Variants in TNPO1 observed in about 807,000 individuals in gnomAD.
TNPO1 encodes transportin-1.
TNPO1 carries 8 observed loss-of-function variants against 119.5 expected under a neutral mutation model. The ratio of observed to expected loss-of-function variants is 0.07; its 90% CI spans 0.04 to 0.12. The LOEUF is 0.12. TNPO1 is among the 10% of genes least tolerant of loss of function. TNPO1 has a pLI of 1.00. For missense variants in TNPO1, 576 were observed against 1,089.8 expected, an observed-to-expected ratio of 0.53 and a Z score of 6.64; for synonymous variants, 362 against 363.0, an observed-to-expected ratio of 1.00 and a Z score of 0.03.
intron 24 of TNPO1, 142 bp downstream of exon 24, chr5:72,905,587 G>T: frequency 2.3e-6 from 1 of 431,030 alleles, no homozygotes; most frequent in Non-Finnish European, 4.1e-6. Context: ...TCTATCTTGG[G>T]CTTTAAATTT....
intron 1 of TNPO1, among the ~76,000 whole-genome samples, chr5:72,837,037 C>T (rs2112206523): frequency 6.6e-6 from 1 of 152,336 alleles, no homozygotes; most frequent in East Asian, 1.9e-4. Context: ...CTCTCCTCTT[C>T]TGAGCCCTTA....
At chr5:72,906,568 G>A (rs1232474501) in intron 24 of TNPO1, among the ~76,000 whole-genome samples, 1 of 152,074 alleles carries the variant, frequency 6.6e-6, no homozygotes, top group Non-Finnish European at 1.5e-5. Context: ...GGGATTTACA[G>A]GCGTAAGCCA....
At chr5:72,838,638 C>T (rs1171475299) in intron 1 of TNPO1, among the ~76,000 whole-genome samples, 1 of 152,150 alleles carries the variant, frequency 6.6e-6, no homozygotes, top group South Asian at 2.1e-4. Context: ...AGTACTACAG[C>T]TTGTCTCCAT....
intron 6 of TNPO1, 55 bp downstream of exon 6, chr5:72,865,784 C>T: frequency 1.1e-5 from 17 of 1,526,000 alleles, no homozygotes; most frequent in Non-Finnish European, 1.5e-5. Flanking sequence ...TGACCATTAT[C>T]TTAGTTTTCA....
intron 20 of TNPO1, among the ~76,000 whole-genome samples, chr5:72,899,333 C>T (rs1188900363): frequency 6.6e-6 from 1 of 152,118 alleles, no homozygotes; most frequent in African/African-American, 2.4e-5. Flanking sequence ...TGAGATTTGA[C>T]ATTGTAGCAT....
At position 72,911,280 on chromosome 5, in the gene TNPO1, AAC is replaced by A. The variant is rs946043559; in HGVS notation, c.*2610_*2611del. On this transcript the variant is annotated 3_prime_UTR_variant, in exon 25 of 25. Transcript: ENST00000337273. ...TTAGTTTCCAGTTAGGCAGATGAAT[AAC>A]ACTATTAAAAATGCACCCAGTTTTG... The A allele has an allele frequency of 4.6e-5, 7 of 152,112 alleles. No homozygotes were observed. Among genetic ancestry groups the A allele is most frequent in the East Asian group, 1.9e-4 (1 of 5,206 alleles). The allele number at this position is 152,112 out of a possible 1,614,324, so 9.4% of individuals were successfully genotyped here. A position where few individuals can be genotyped will look rare whatever the true frequency, so the allele number is the denominator to read the frequency against.
At chr5:72,886,244 C>A (rs762728868) in intron 11 of TNPO1, among the ~76,000 whole-genome samples, 1 of 152,070 alleles carries the variant, frequency 6.6e-6, no homozygotes, top group African/African-American at 2.4e-5. Flanking sequence ...ATAGTTAATT[C>A]TTTGTAAAGA....
chr5:72,863,051 T>G (rs957110573), intron 5 of TNPO1, among the ~76,000 whole-genome samples: 12 of 151,002 alleles, frequency 7.9e-5, no homozygotes, highest in Admixed American at 4.0e-4. Context: ...TTTTTTGGGG[T>G]TTTTTTGCCA....
intron 11 of TNPO1, among the ~76,000 whole-genome samples, chr5:72,885,579 A>G (rs1228841188): frequency 6.6e-6 from 1 of 152,168 alleles, no homozygotes; most frequent in East Asian, 1.9e-4. Context: ...TGTGTATCGT[A>G]TGCCTCATTC....
At chr5:72,895,846 A>G (rs1187876433) in intron 18 of TNPO1, among the ~76,000 whole-genome samples, 1 of 151,970 alleles carries the variant, frequency 6.6e-6, no homozygotes, top group African/African-American at 2.4e-5. Context: ...GATGTTTCAG[A>G]GTTTTGTTTT....
chr5:72,871,063 G>A (rs1265501276), intron 6 of TNPO1, among the ~76,000 whole-genome samples: 1 of 151,900 alleles, frequency 6.6e-6, no homozygotes, highest in African/African-American at 2.4e-5. Context: ...TCCGCTGCCC[G>A]GGTTCAAGCG....
At chr5:72,826,790 C>A (rs182688316) in intron 1 of TNPO1, among the ~76,000 whole-genome samples, 11 of 152,060 alleles carry the variant, frequency 7.2e-5, no homozygotes, top group Non-Finnish European at 1.5e-4. Context: ...TAGAGAAGAA[C>A]GCTACAAGGA....
rs1306768859 is a variant in TNPO1 at position 72,816,726 on chromosome 5, G to A, written c.-12G>A. ...GCTTCGGCCGAAGGCCCGAGCGCCC[G>A]AGGCGTCTGGGATGGTGTGGGACCG... On this transcript the variant is annotated 5_prime_UTR_variant, in exon 1 of 25. Coordinates refer to ENST00000337273, the MANE Select transcript of TNPO1 (RefSeq NM_002270.4). 3 of 1,576,694 alleles carry A rather than the reference G, an allele frequency of 1.9e-6. No homozygotes were observed. The highest frequency in any genetic ancestry group is 1.2e-5 in the South Asian group (1 of 85,544).
intron 20 of TNPO1, among the ~76,000 whole-genome samples, chr5:72,899,599 A>G (rs974036624): frequency 6.6e-6 from 1 of 152,190 alleles, no homozygotes; most frequent in Non-Finnish European, 1.5e-5. Context: ...GAAAAAAACT[A>G]TAGATTTTAT....
chr5:72,882,571 T>C, intron 10 of TNPO1, 44 bp downstream of exon 10: 4 of 1,399,946 alleles, frequency 2.9e-6, no homozygotes, highest in Non-Finnish European at 4.0e-6. Flanking sequence ...ATTTTTATAT[T>C]GACTTAGTAC....
At chr5:72,851,395 C>A in intron 3 of TNPO1, 76 bp downstream of exon 3, 1 of 875,414 alleles carries the variant, frequency 1.1e-6, no homozygotes, top group Non-Finnish European at 1.8e-6. Context: ...TTATTCATTT[C>A]AAAGGATTTC....
Position 72,870,132 on chromosome 5 carries a change from A to G in TNPO1, c.597-2507A>G, listed in dbSNP as rs79209574. 8.3e-3 allele frequency among the ~76,000 whole-genome samples: 1,241 copies of G among 149,716 alleles called. 13 individuals are homozygous for G. The highest frequency in any genetic ancestry group is 0.056 in the South Asian group (264 of 4,708). ...TAAATCTGTGGATCAATTTAGAAGA[A>G]ATAGTCATTTTCACAATACTAATTG... On this transcript the variant is annotated intron_variant, in intron 6 of 24. Coordinates refer to ENST00000337273, the MANE Select transcript of TNPO1 (RefSeq NM_002270.4).
At chr5:72,829,097 A>G (rs1327655151) in intron 1 of TNPO1, among the ~76,000 whole-genome samples, 4 of 152,180 alleles carry the variant, frequency 2.6e-5, no homozygotes, top group African/African-American at 9.7e-5. Context: ...GAGTTTTTCA[A>G]AAAGAGTTTG....
rs773355071 is a variant in TNPO1, at chr5:72,893,369, A to G, written c.1897-8A>G. The G allele has an allele frequency of 2.5e-6, 4 of 1,611,728 alleles. No homozygotes were observed. The South Asian group carries it at 3.3e-5, about 13-fold the overall frequency. On this transcript the variant is annotated splice_region_variant and splice_polypyrimidine_tract_variant and intron_variant, in intron 16 of 24. Transcript: ENST00000337273. Reference sequence around the variant, plus strand: ...CAAACTTACAAAAAACATTGTGTCTAATTTCAGCTAAACAATGCTCAACCA... The same window carrying G: ...CAAACTTACAAAAAACATTGTGTCTGATTTCAGCTAAACAATGCTCAACCA...
Sources: gnomAD v4.1 joint callset for allele counts (sites outside exome capture counted in the v4.1 genomes callset) on GRCh38, gnomAD v4.1.1 for gene constraint, MANE v1.5 for transcripts, NCBI Gene and HGNC (gene_info 2026-07-23, HGNC 2026-07-21) for gene names.